The following RYR2 variants were observed in gnomAD, a reference collection of about 807,000 sequenced individuals.
RYR2 encodes ryanodine receptor 2, also known as cardiac muscle ryanodine receptor-calcium release channel.
A neutral mutation model predicts 601.1 loss-of-function variants in RYR2; 227 were observed. That is an observed-to-expected ratio of 0.38 (90% CI 0.34 to 0.42). The LOEUF (loss-of-function observed/expected upper bound fraction) is 0.42, where lower values mean the gene tolerates loss of function less well. Ranked by LOEUF, RYR2 falls within the 10% of genes least tolerant of loss-of-function variation. The pLI, the probability that RYR2 is intolerant of heterozygous loss-of-function variation, is 1.00. For missense variants in RYR2, 4,646 were observed against 6,156.5 expected, an observed-to-expected ratio of 0.75 and a Z score of 8.21; for synonymous variants, 2,223 against 2,175.1, an observed-to-expected ratio of 1.02 and a Z score of -0.61.
At chr1:237,424,671 C>T (rs182482850) in intron 12 of RYR2, among the ~76,000 whole-genome samples, 1 of 152,234 alleles carries the variant, frequency 6.6e-6, no homozygotes, top group African/African-American at 2.4e-5. Flanking sequence ...GTAAAATCTT[C>T]TAAATATTTT....
chr1:237,777,724 T>TA (rs1401314045), intron 87 of RYR2, among the ~76,000 whole-genome samples: 2 of 152,180 alleles, frequency 1.3e-5, no homozygotes, highest in African/African-American at 2.4e-5. Flanking sequence ...AGAACAAAGT[T>TA]AGGTTTGTTA....
At chr1:237,493,545 C>T (rs540021046) in intron 19 of RYR2, among the ~76,000 whole-genome samples, 47 of 152,256 alleles carry the variant, frequency 3.1e-4, no homozygotes, top group Middle Eastern at 6.8e-3. Context: ...CTCCACCTCC[C>T]GGGTTCAGGC....
Position 237,625,739 on chromosome 1 carries a change from A to G in RYR2, c.6101A>G (p.Glu2034Gly). Residue 2034 changes from glutamate (E) to glycine (G), a missense_variant, in exon 40 of 105, where the codon GAA (glutamate) becomes GGA (glycine). Physicochemically the swap from Glu to Gly is moderately conservative, Grantham distance 98 (BLOSUM62 -2). Coordinates refer to ENST00000366574, the MANE Select transcript of RYR2 (RefSeq NM_001035.3). ...TIRGRLLSLV[E>G]KVTYLKKKQA... ...AGAGGGCGTCTGCTATCCCTGGTAGAAAAGGTGACATATCTGAAGAAGAAG... is the reference window on the plus strand; with the variant it reads ...AGAGGGCGTCTGCTATCCCTGGTAGGAAAGGTGACATATCTGAAGAAGAAG... 6.2e-7 allele frequency: 1 copy of G among 1,613,804 alleles called. No individual in the cohort carries two copies. Among genetic ancestry groups the G allele is most frequent in the East Asian group, 2.2e-5 (1 of 44,848 alleles).
chr1:237,288,005 C>T (rs150683354), intron 2 of RYR2, among the ~76,000 whole-genome samples: 8 of 152,264 alleles, frequency 5.3e-5, no homozygotes, highest in African/African-American at 1.9e-4. Context: ...ACGAGGTGTT[C>T]CCTTGATGTA....
In RYR2 at chr1:237,617,359, A is replaced by G; in HGVS notation, c.5789A>G (p.Asp1930Gly). ...ATAGAAGCCATTGTAGCCTTTTCAG[A>G]TGATTTTGTGGCTAAGCTCCAAGAC... ...HRIEAIVAFS[D>G]DFVAKLQDNQ... Residue 1930 changes from aspartate to glycine, a missense_variant, in exon 38 of 105, where the codon GAT becomes GGT. By Grantham distance (94) the Asp-to-Gly change is moderately conservative. Transcript: ENST00000366574. 6.2e-7 allele frequency: 1 copy of G among 1,613,978 alleles called. No individual in the cohort carries two copies. Among genetic ancestry groups the G allele is most frequent in the Non-Finnish European group, 8.5e-7 (1 of 1,179,872 alleles).
At chr1:237,284,310 G>T (rs1451604011) in intron 2 of RYR2, among the ~76,000 whole-genome samples, 1 of 151,068 alleles carries the variant, frequency 6.6e-6, no homozygotes, top group Non-Finnish European at 1.5e-5. Flanking sequence ...GAACTGGGAG[G>T]CGGACGTTGC....
At chr1:237,432,210 T>TAA (rs1553449562) in intron 12 of RYR2, among the ~76,000 whole-genome samples, 135 of 128,672 alleles carry the variant, frequency 1.0e-3, no homozygotes, top group African/African-American at 2.9e-3. Context: ...AGGCTTTTTT[T>TAA]AAAAAAAAAT....
chr1:237,423,324 G>T (rs781633862), intron 12 of RYR2, 76 bp downstream of exon 12: 29 of 1,457,834 alleles, frequency 2.0e-5, no homozygotes, highest in Non-Finnish European at 2.7e-5. Context: ...AAGGAGAAAA[G>T]AAATGAGAAA....
intron 12 of RYR2, among the ~76,000 whole-genome samples, chr1:237,434,778 A>G (rs1186893482): frequency 1.3e-5 from 2 of 152,166 alleles, no homozygotes; most frequent in Non-Finnish European, 2.9e-5. Context: ...TGTAAAATAT[A>G]AAACTTTTTT....
intron 1 of RYR2, 28 bp downstream of exon 1, chr1:237,042,597 C>T: frequency 8.0e-7 from 1 of 1,254,936 alleles, no homozygotes; most frequent in Middle Eastern, 2.1e-4. Context: ...CGTGTGCTGT[C>T]AGGGGAAGGG....
intron 1 of RYR2, among the ~76,000 whole-genome samples, chr1:237,055,850 C>T (rs1333068999): frequency 4.6e-5 from 7 of 152,150 alleles, no homozygotes; most frequent in African/African-American, 1.4e-4. Context: ...GACTAGTGCC[C>T]TCCTAACAAG....
chr1:237,736,289 C>T (rs1691136801), intron 79 of RYR2, among the ~76,000 whole-genome samples: 1 of 151,852 alleles, frequency 6.6e-6, no homozygotes, highest in African/African-American at 2.4e-5. Context: ...GGTGAAACCC[C>T]GTCTCTGCTA....
chr1:237,364,709 A>G (rs1302196587), intron 5 of RYR2, among the ~76,000 whole-genome samples: 1 of 149,422 alleles, frequency 6.7e-6, no homozygotes, highest in Non-Finnish European at 1.5e-5. Context: ...TTGTAACATT[A>G]TATTTAATTA....
intron 8 of RYR2, among the ~76,000 whole-genome samples, chr1:237,381,119 C>T (rs73102457): frequency 0.069 from 10,466 of 151,820 alleles, 945 homozygotes; most frequent in African/African-American, 0.2. Context: ...GTGGTGCACA[C>T]CTGTAATCCC....
At chr1:237,402,505 A>G (rs748553212) in intron 10 of RYR2, among the ~76,000 whole-genome samples, 25 of 152,178 alleles carry the variant, frequency 1.6e-4, no homozygotes, top group Non-Finnish European at 2.9e-4. Flanking sequence ...AGACATTCTA[A>G]AACTAAAAAA....
At chr1:237,161,176 A>G (rs1257634048) in intron 1 of RYR2, among the ~76,000 whole-genome samples, 1 of 152,166 alleles carries the variant, frequency 6.6e-6, no homozygotes, top group Non-Finnish European at 1.5e-5. Flanking sequence ...ACATTAGACC[A>G]GATGATGTTG....
chr1:237,362,456 A>T (rs905954273), intron 4 of RYR2, among the ~76,000 whole-genome samples: 1 of 152,200 alleles, frequency 6.6e-6, no homozygotes. Context: ...GCTTTCTTCA[A>T]TATTTATCTT....
intron 29 of RYR2, among the ~76,000 whole-genome samples, chr1:237,576,913 A>T (rs1039292866): frequency 6.6e-6 from 1 of 152,206 alleles, no homozygotes; most frequent in South Asian, 2.1e-4. Context: ...ATTAAATGCT[A>T]TTTTACATCC....
At chr1:237,627,538 A>G (rs900130132) in intron 40 of RYR2, among the ~76,000 whole-genome samples, 7 of 152,208 alleles carry the variant, frequency 4.6e-5, no homozygotes, top group Non-Finnish European at 7.4e-5. Context: ...GGTAATTTTG[A>G]AAAAGTGATA....
Sources: allele counts gnomAD v4.1 joint callset (sites outside exome capture counted in the v4.1 genomes callset), GRCh38; gene constraint gnomAD v4.1.1; transcripts MANE v1.5; gene names NCBI Gene and HGNC (gene_info 2026-07-23, HGNC 2026-07-21).